TSHZ2: variants seen among roughly 807,000 people sequenced by gnomAD.
TSHZ2 encodes teashirt homolog 2.
In TSHZ2, 21 loss-of-function variants were observed where a neutral mutation model predicts 74.4. The observed-to-expected ratio is 0.28, with a 90% CI of 0.20 to 0.41. The LOEUF (loss-of-function observed/expected upper bound fraction) is 0.41, where lower values mean the gene tolerates loss of function less well. Ranked by LOEUF, TSHZ2 falls within the 10% of genes least tolerant of loss-of-function variation. TSHZ2 has a pLI of 1.00. For synonymous variants in TSHZ2, 540 were observed against 515.3 expected (o/e 1.05, Z -0.65); for missense variants, 1,244 against 1,293.5 (o/e 0.96, Z 0.59).
intron 2 of TSHZ2, among the ~76,000 whole-genome samples, chr20:53,343,736 C>T (rs940095490): frequency 3.9e-5 from 6 of 152,190 alleles, no homozygotes; most frequent in African/African-American, 1.4e-4. Flanking sequence ...GCTCTCGCCA[C>T]GAGGTGAGGC....
chr20:53,373,850 T>G (rs1372359131), intron 2 of TSHZ2, among the ~76,000 whole-genome samples: 1 of 152,152 alleles, frequency 6.6e-6, no homozygotes, highest in African/African-American at 2.4e-5. Flanking sequence ...CTGATTACCA[T>G]TACAGTAACA....
intron 1 of TSHZ2, chr20:53,196,325 G>A (rs1988864402): frequency 7.0e-6 from 1 of 142,594 alleles, no homozygotes; most frequent in Non-Finnish European, 1.5e-5. Flanking sequence ...ATCTTGTTCA[G>A]GCCAAGAGAC....
chr20:53,392,685 T>A (rs1469884834), intron 2 of TSHZ2, among the ~76,000 whole-genome samples: 1 of 152,214 alleles, frequency 6.6e-6, no homozygotes, highest in Non-Finnish European at 1.5e-5. Flanking sequence ...TTTAGCATTG[T>A]ATTCATTCTT....
At chr20:52,986,267 T>C (rs939933123) in intron 1 of TSHZ2, among the ~76,000 whole-genome samples, 2 of 149,626 alleles carry the variant, frequency 1.3e-5, no homozygotes, top group Non-Finnish European at 3.0e-5. Context: ...GGCGTGGTGG[T>C]GGCACATGCC....
chr20:53,356,525 C>T (rs1980853270), intron 2 of TSHZ2, among the ~76,000 whole-genome samples: 1 of 152,170 alleles, frequency 6.6e-6, no homozygotes, highest in Middle Eastern at 3.2e-3. Flanking sequence ...TTTTGCACTG[C>T]ATCTCACAAA....
In TSHZ2 at chr20:53,253,745, A is replaced by G. The variant is rs762450890; in HGVS notation, c.287A>G (p.Lys96Arg). Residue 96 changes from lysine to arginine, a missense_variant, in exon 2 of 3, where the codon AAG becomes AGG. Physicochemically the swap from Lys to Arg is conservative, Grantham distance 26. This residue lies in a region of TSHZ2 where 470 missense variants were observed against 456.5 expected (regional missense o/e 1.03). Transcript: ENST00000371497. The stretch of plus-strand genomic sequence containing the variant: ...GCCAGTGATCAGGTGTCGGACATCA[A>G]GAGTGTCTGCGGCAGAGATGCCTCA... ...SDASDQVSDI[K>R]SVCGRDASDK... 2 of 1,614,220 alleles carry G rather than the reference A, an allele frequency of 1.2e-6. No individual in the cohort carries two copies. Among genetic ancestry groups the G allele is most frequent in the South Asian group, 2.2e-5 (2 of 91,080 alleles).
intron 1 of TSHZ2, among the ~76,000 whole-genome samples, chr20:53,104,744 C>T (rs1986315298): frequency 6.6e-6 from 1 of 152,188 alleles, no homozygotes; most frequent in African/African-American, 2.4e-5. Flanking sequence ...GCCCGCCTGG[C>T]AGTGATCAAT....
chr20:53,289,628 T>C (rs775103913), intron 2 of TSHZ2, among the ~76,000 whole-genome samples: 4 of 152,248 alleles, frequency 2.6e-5, no homozygotes, highest in Admixed American at 1.3e-4. Context: ...GAGAATTATC[T>C]ATTCATGTCC....
intron 2 of TSHZ2, among the ~76,000 whole-genome samples, chr20:53,435,877 G>A (rs932671766): frequency 3.9e-5 from 6 of 152,174 alleles, no homozygotes; most frequent in African/African-American, 1.4e-4. Flanking sequence ...CTCTTGCTAA[G>A]TGTGTGACTT....
intron 1 of TSHZ2, among the ~76,000 whole-genome samples, chr20:53,152,548 A>G (rs928148457): frequency 6.6e-6 from 1 of 152,198 alleles, no homozygotes; most frequent in Non-Finnish European, 1.5e-5. Flanking sequence ...GGGGTGGCCA[A>G]TCAGATCTTT....
chr20:53,028,256 C>G (rs1036747087), intron 1 of TSHZ2, among the ~76,000 whole-genome samples: 17 of 152,290 alleles, frequency 1.1e-4, no homozygotes, highest in African/African-American at 3.8e-4. Context: ...CACTACATCC[C>G]CCTTCACCTG....
chr20:52,987,425 A>G (rs1246564318), intron 1 of TSHZ2, among the ~76,000 whole-genome samples: 3 of 152,086 alleles, frequency 2.0e-5, no homozygotes, highest in South Asian at 2.1e-4. Flanking sequence ...TAAAATTTAT[A>G]TAAGTTCCCT....
chr20:53,393,665 A>AACAC (rs113428598), intron 2 of TSHZ2, among the ~76,000 whole-genome samples: 2,852 of 148,488 alleles, frequency 0.019, 30 homozygotes, highest in African/African-American at 0.03. Context: ...TACACACGCA[A>AACAC]ACACACACAC....
chr20:53,106,697 AT>A (rs199499312), intron 1 of TSHZ2, among the ~76,000 whole-genome samples: 2 of 93,566 alleles, frequency 2.1e-5, no homozygotes, highest in African/African-American at 4.4e-5. Context: ...CACGCAGGGC[AT>A]TTTTTTTTGT....
intron 1 of TSHZ2, among the ~76,000 whole-genome samples, chr20:52,997,267 G>C (rs576827186): frequency 1.3e-3 from 189 of 150,914 alleles, no homozygotes; most frequent in Non-Finnish European, 1.8e-3. Context: ...CCCGGGGGGG[G>C]GTTCAGCACT....
intron 2 of TSHZ2, among the ~76,000 whole-genome samples, chr20:53,464,304 G>A (rs1600661816): frequency 6.6e-6 from 1 of 152,264 alleles, no homozygotes; most frequent in East Asian, 1.9e-4. Flanking sequence ...GGAAATCTGA[G>A]GACCTCATCT....
chr20:53,281,587 G>A (rs1338338452), intron 2 of TSHZ2, among the ~76,000 whole-genome samples: 1 of 152,208 alleles, frequency 6.6e-6, no homozygotes, highest in Non-Finnish European at 1.5e-5. Flanking sequence ...ACAGGCTAGA[G>A]TTTACCAGCC....
At chr20:53,344,423 T>A (rs1232973153) in intron 2 of TSHZ2, among the ~76,000 whole-genome samples, 1 of 152,198 alleles carries the variant, frequency 6.6e-6, no homozygotes, top group African/African-American at 2.4e-5. Flanking sequence ...TTGACCATAC[T>A]GTCTGCTTGG....
intron 1 of TSHZ2, among the ~76,000 whole-genome samples, chr20:53,015,484 A>G (rs1022970870): frequency 1.1e-4 from 16 of 152,130 alleles, no homozygotes; most frequent in Non-Finnish European, 1.9e-4. Flanking sequence ...ATCTTTGGCC[A>G]CAATATCAAT....
Sources: gnomAD v4.1 joint callset for allele counts (sites outside exome capture counted in the v4.1 genomes callset) on GRCh38, gnomAD v4.1.1 for gene constraint, gnomAD v4.1.1 regional missense constraint, MANE v1.5 for transcripts, NCBI Gene and HGNC (gene_info 2026-07-23, HGNC 2026-07-21) for gene names.